Variants in KANSL1L observed in about 807,000 individuals in gnomAD.
The protein encoded by KANSL1L is KAT8 regulatory NSL complex subunit 1 like.
Under a neutral mutation model 108.6 loss-of-function variants are expected in KANSL1L, and 25 were observed. The ratio of observed to expected loss-of-function variants is 0.23; its 90% CI spans 0.17 to 0.32. The LOEUF is 0.32. KANSL1L is among the 10% of genes least tolerant of loss of function. The pLI is 1.00. For synonymous variants in KANSL1L, 405 were observed against 395.1 expected (o/e 1.03, Z -0.30); for missense variants, 1,137 against 1,125.7 (o/e 1.01, Z -0.14).
intron 2 of KANSL1L, among the ~76,000 whole-genome samples, chr2:210,142,660 G>A (rs1253995345): frequency 1.3e-5 from 2 of 152,002 alleles, no homozygotes; most frequent in Non-Finnish European, 2.9e-5. Context: ...TTTGTAAACT[G>A]TGTTTCCATT....
chr2:210,094,916 G>T (rs2094723177), intron 5 of KANSL1L, among the ~76,000 whole-genome samples: 1 of 151,856 alleles, frequency 6.6e-6, no homozygotes. Flanking sequence ...GGAGAGGAGG[G>T]GAGGGAAAAT....
At chr2:210,029,345 G>A (rs2093982597) in intron 10 of KANSL1L, among the ~76,000 whole-genome samples, 1 of 151,978 alleles carries the variant, frequency 6.6e-6, no homozygotes, top group African/African-American at 2.4e-5. Context: ...AAACATTTTT[G>A]GTCAGCCCTT....
intron 5 of KANSL1L, among the ~76,000 whole-genome samples, chr2:210,079,650 A>ATATATATATATGTATGTG (rs2094571187): frequency 1.0e-4 from 2 of 19,522 alleles, no homozygotes; most frequent in Admixed American, 1.1e-3. Flanking sequence ...ATATATATAT[A>ATATATATATATGTATGTG]TATATATATA....
At chr2:210,131,271 A>G (rs1283199976) in intron 2 of KANSL1L, among the ~76,000 whole-genome samples, 1 of 152,186 alleles carries the variant, frequency 6.6e-6, no homozygotes, top group East Asian at 1.9e-4. Context: ...AAAACACTGA[A>G]TATAAAAATG....
chr2:210,053,773 G>GA (rs966044364), intron 6 of KANSL1L, among the ~76,000 whole-genome samples: 6 of 151,322 alleles, frequency 4.0e-5, no homozygotes, highest in Non-Finnish European at 8.8e-5. Context: ...GACAAACTGT[G>GA]AAAAAAAGTC....
Position 210,171,332 on chromosome 2 carries a change from G to GC in KANSL1L, c.-214dup, listed in dbSNP as rs1559625186. On this transcript the variant is annotated 5_prime_UTR_variant, in exon 1 of 15. Transcript: ENST00000281772. ...CGCCGCCGCCGCCGCCGCCGCCGCCGCCGCCGCCGCGGTTTAACAGTCCGC... is the reference window on the plus strand; with the variant it reads ...CGCCGCCGCCGCCGCCGCCGCCGCCGCCCGCCGCCGCGGTTTAACAGTCCGC... 2.2e-5 allele frequency: 2 copies of GC among 91,056 alleles called. No individual in the cohort carries two copies. Among genetic ancestry groups the GC allele is most frequent in the South Asian group, 6.4e-4 (2 of 3,116 alleles). The allele number at this position is 91,056 out of a possible 1,614,324, so 5.6% of individuals were successfully genotyped here.
At chr2:210,062,934 G>A (rs1026823766) in intron 6 of KANSL1L, among the ~76,000 whole-genome samples, 2 of 152,182 alleles carry the variant, frequency 1.3e-5, no homozygotes, top group African/African-American at 4.8e-5. Flanking sequence ...GGGGCCAAAT[G>A]TTAATCCCCA....
rs563503716 is a variant in KANSL1L at position 210,161,085 on chromosome 2, T to G, written c.-29-6474A>C. ...CTCACCGCAACCTCCGCCTCCCAGG[T>G]TGAAGTGATTCTCCCGCCTCAGCCT... is the stretch of plus-strand genomic sequence containing the variant. On this transcript the variant is annotated intron_variant, in intron 1 of 14. Coordinates refer to ENST00000281772, the MANE Select transcript of KANSL1L (RefSeq NM_152519.4). Among the ~76,000 whole-genome samples, 10 of 150,228 alleles carry G rather than the reference T, an allele frequency of 6.7e-5. No homozygotes were observed. The South Asian group carries it at 2.1e-3, about 32-fold the overall frequency.
intron 6 of KANSL1L, among the ~76,000 whole-genome samples, chr2:210,071,563 C>A (rs1334215717): frequency 6.6e-6 from 1 of 152,108 alleles, no homozygotes; most frequent in Non-Finnish European, 1.5e-5. Context: ...GCTGCCATGC[C>A]CGACCAAAGT....
chr2:210,109,684 G>T (rs1371086648), intron 3 of KANSL1L, among the ~76,000 whole-genome samples: 1 of 151,966 alleles, frequency 6.6e-6, no homozygotes, highest in African/African-American at 2.4e-5. Context: ...TAGGTGTATG[G>T]CTTAATTAGG....
At chr2:210,109,086 A>G (rs747034517) in intron 3 of KANSL1L, among the ~76,000 whole-genome samples, 7 of 152,178 alleles carry the variant, frequency 4.6e-5, no homozygotes, top group Middle Eastern at 3.4e-3. Context: ...TCATACTGAG[A>G]TGTCACTTTC....
chr2:210,126,460 C>G (rs529026474), intron 3 of KANSL1L, among the ~76,000 whole-genome samples: 2 of 152,038 alleles, frequency 1.3e-5, no homozygotes, highest in Admixed American at 1.3e-4. Context: ...AGAAAAAAAA[C>G]TTATCCTAAA....
At chr2:210,147,266 C>T (rs1168630432) in intron 2 of KANSL1L, among the ~76,000 whole-genome samples, 1 of 152,114 alleles carries the variant, frequency 6.6e-6, no homozygotes, top group South Asian at 2.1e-4. Context: ...TCAAGACCAT[C>T]CTGGGCAACA....
chr2:210,147,713 C>G (rs940556667), intron 2 of KANSL1L, among the ~76,000 whole-genome samples: 1 of 152,126 alleles, frequency 6.6e-6, no homozygotes, highest in African/African-American at 2.4e-5. Context: ...AGAAAAACAA[C>G]CTGCAAACTC....
intron 9 of KANSL1L, among the ~76,000 whole-genome samples, chr2:210,030,441 C>G (rs762107937): frequency 2.0e-5 from 3 of 149,520 alleles, no homozygotes. Flanking sequence ...TCTCATATCT[C>G]TCAGGATATT....
chr2:210,102,011 C>T (rs942962310), intron 4 of KANSL1L, among the ~76,000 whole-genome samples: 2 of 152,180 alleles, frequency 1.3e-5, no homozygotes, highest in Non-Finnish European at 2.9e-5. Context: ...CTACATATGG[C>T]TAGCCAGTTT....
intron 6 of KANSL1L, among the ~76,000 whole-genome samples, chr2:210,051,820 G>A (rs1000171683): frequency 6.6e-6 from 1 of 151,986 alleles, no homozygotes; most frequent in Non-Finnish European, 1.5e-5. Context: ...AATTCACAAT[G>A]CTCAAAAGTT....
In KANSL1L at chr2:210,075,660, T is replaced by C. The variant is rs2094536967; in HGVS notation, c.1647A>G (p.Lys549=). 3 of 1,613,814 alleles carry C rather than the reference T, an allele frequency of 1.9e-6. No individual in the cohort carries two copies. In the East Asian group the frequency reaches 6.7e-5, roughly 36 times the overall value. ...TACTCATGAAAGTCAAGGATGAAGA[T>C]TTCAGTCTTGTCCTGTCTTTTCTCT... ...KKKRKDRTRL[K]SSSLTFMSTS... is the part of the protein sequence containing the mutation. Residue 549 remains lysine, a synonymous_variant, in exon 6 of 15, where the codon AAA becomes AAG. Coordinates refer to ENST00000281772, the MANE Select transcript of KANSL1L (RefSeq NM_152519.4).
chr2:210,133,385 G>A (rs1370598831), intron 2 of KANSL1L, among the ~76,000 whole-genome samples: 1 of 151,792 alleles, frequency 6.6e-6, no homozygotes, highest in Non-Finnish European at 1.5e-5. Flanking sequence ...TTGATACACA[G>A]ATACAGAACC....
Sources: allele counts gnomAD v4.1 joint callset (sites outside exome capture counted in the v4.1 genomes callset), GRCh38; gene constraint gnomAD v4.1.1; transcripts MANE v1.5; gene names NCBI Gene and HGNC (gene_info 2026-07-23, HGNC 2026-07-21).